The following SYNE2 variants were observed in gnomAD, a reference collection of about 807,000 sequenced individuals.
SYNE2 encodes nesprin-2.
A neutral mutation model predicts 856.3 loss-of-function variants in SYNE2; 431 were observed. That is an observed-to-expected ratio of 0.50 (90% CI 0.47 to 0.55). The LOEUF (loss-of-function observed/expected upper bound fraction) is 0.55. Ranked by LOEUF, SYNE2 falls within the 20% of genes least tolerant of loss-of-function variation. SYNE2 has a pLI of 0.00. For missense variants in SYNE2, 8,129 were observed against 8,023.2 expected, an observed-to-expected ratio of 1.01 and a Z score of -0.50; for synonymous variants, 2,923 against 2,872.3, an observed-to-expected ratio of 1.02 and a Z score of -0.56.
At chr14:63,805,090 A>T (rs899308228) in intron 1 of SYNE2, among the ~76,000 whole-genome samples, 1 of 152,114 alleles carries the variant, frequency 6.6e-6, no homozygotes. Context: ...AACCTGTTTC[A>T]TTGGTCTGTG....
At chr14:64,083,562 T>G (rs1342739817) in intron 57 of SYNE2, among the ~76,000 whole-genome samples, 1 of 152,210 alleles carries the variant, frequency 6.6e-6, no homozygotes, top group Non-Finnish European at 1.5e-5. Flanking sequence ...GGAAAGGAAG[T>G]AGGGACAAGG....
Position 64,002,062 on chromosome 14 carries a change from G to C in SYNE2, c.3767G>C (p.Arg1256Pro), listed in dbSNP as rs183356628. Residue 1256 changes from arginine (R) to proline (P), a missense_variant, in exon 29 of 116, where the codon CGC becomes CCC. This residue lies in a region of SYNE2 where 2,422 missense variants were observed against 2,357.4 expected (regional missense o/e 1.03). Transcript: ENST00000555002. ...GGATTTCATCTCATTGATGCTGATC[G>C]CATCTATCAACACCTAAGGGTAAGT... ...IQGFHLIDAD[R>P]IYQHLRNIQD... is the part of the protein sequence containing the mutation. The C allele has an allele frequency of 6.2e-7, 1 of 1,612,666 alleles. No individual in the cohort carries two copies. Among genetic ancestry groups the C allele is most frequent in the Non-Finnish European group, 8.5e-7 (1 of 1,178,824 alleles).
At chr14:63,889,267 G>T (rs1014253350) in intron 1 of SYNE2, among the ~76,000 whole-genome samples, 1 of 151,442 alleles carries the variant, frequency 6.6e-6, no homozygotes, top group Admixed American at 6.6e-5. Context: ...AAAATAAATT[G>T]AATGACAGTT....
intron 7 of SYNE2, among the ~76,000 whole-genome samples, chr14:63,950,887 G>C (rs942394522): frequency 1.3e-5 from 2 of 151,980 alleles, no homozygotes; most frequent in African/African-American, 4.8e-5. Context: ...AAATTCCTGA[G>C]CTCAAGCAAT....
chr14:63,892,001 T>TC (rs2095143683), intron 1 of SYNE2, among the ~76,000 whole-genome samples: 1 of 152,220 alleles, frequency 6.6e-6, no homozygotes, highest in African/African-American at 2.4e-5. Context: ...ATAGTTTGTT[T>TC]CAGAAACAAA....
intron 11 of SYNE2, among the ~76,000 whole-genome samples, chr14:63,968,314 G>A (rs890012739): frequency 6.6e-6 from 1 of 152,130 alleles, no homozygotes; most frequent in African/African-American, 2.4e-5. Context: ...CATCATTTGG[G>A]TAGTGGTCCT....
chr14:63,937,108 G>A (rs1311687194), intron 2 of SYNE2, among the ~76,000 whole-genome samples: 1 of 152,190 alleles, frequency 6.6e-6, no homozygotes, highest in African/African-American at 2.4e-5. Flanking sequence ...TTTCATGAGA[G>A]TGTGTCATCG....
intron 69 of SYNE2, 61 bp downstream of exon 69, chr14:64,122,194 T>C (rs1403669630): frequency 6.2e-7 from 1 of 1,613,768 alleles, no homozygotes; most frequent in Non-Finnish European, 8.5e-7. Flanking sequence ...GAATTAAGAG[T>C]GTTTCTTTTA....
In SYNE2 at chr14:63,941,950, A is replaced by G. The variant is rs371277498; in HGVS notation, c.303A>G (p.Leu101=). 1.4e-4 allele frequency: 228 copies of G among 1,612,538 alleles called. No individual in the cohort carries two copies. The highest frequency in any genetic ancestry group is 1.8e-4 in the Non-Finnish European group (217 of 1,179,548). Residue 101 remains leucine (L), a synonymous_variant, in exon 5 of 116, where the codon CTA becomes CTG. Coordinates refer to ENST00000555002, the MANE Select transcript of SYNE2 (RefSeq NM_182914.3). ...RINIEHALTF[L]RNRSIKLINI... ...ATATAGAACATGCCTTGACATTCCT[A>G]AGAAACCGATCAGTAAGTATAAATT...
chr14:64,141,960 C>A lies in SYNE2; in HGVS notation c.15178C>A (p.Pro5060Thr). 6.2e-7 allele frequency: 1 copy of A among 1,613,920 alleles called. No individual in the cohort carries two copies. The highest frequency in any genetic ancestry group is 8.5e-7 in the Non-Finnish European group (1 of 1,179,946). Residue 5060 changes from proline (P) to threonine (T), a missense_variant, in exon 82 of 116, where the codon CCG (proline) becomes ACG (threonine). Coordinates refer to ENST00000555002, the MANE Select transcript of SYNE2 (RefSeq NM_182914.3). ...CTTACAGCTTCAAATGGAGAAATTGCCGTCTCGTAAAGCAATCACAGAAAT... is the reference window on the plus strand; with the variant it reads ...CTTACAGCTTCAAATGGAGAAATTGACGTCTCGTAAAGCAATCACAGAAAT... Reference protein sequence around the residue: ...KLHQLQMEKLPSRKAITEMIS... With the variant: ...KLHQLQMEKLTSRKAITEMIS...
At chr14:64,024,542 G>C in intron 39 of SYNE2, 83 bp downstream of exon 39, 1 of 1,304,372 alleles carries the variant, frequency 7.7e-7, no homozygotes, top group Non-Finnish European at 1.1e-6. Context: ...GAGAGCACTG[G>C]GATACGCAGT....
intron 20 of SYNE2, 62 bp downstream of exon 20, chr14:63,990,631 G>A: frequency 5.0e-6 from 7 of 1,401,860 alleles, no homozygotes; most frequent in Non-Finnish European, 6.1e-6. Context: ...GTCACTGAGT[G>A]GGCAGTGAAG....
At chr14:64,190,971 C>T (rs1175886196) in intron 99 of SYNE2, 1 of 702,338 alleles carries the variant, frequency 1.4e-6, no homozygotes, top group South Asian at 1.5e-5. Flanking sequence ...CGAACCGTCA[C>T]TTGGCCTTGG....
Position 64,126,377 on chromosome 14 carries a change from A to G in SYNE2, c.13605A>G (p.Glu4535=). 7 of 1,614,180 alleles carry G rather than the reference A, an allele frequency of 4.3e-6. No homozygotes were observed. The highest frequency in any genetic ancestry group is 1.3e-5 in the African/African-American group (1 of 75,044). The part of the protein sequence containing the change: ...AYINLDKKLF[E]LFLTLSQCLS... ...TCAATTTGGATAAAAAATTGTTTGA[A>G]CTATTCCTGACCCTCAGTCAGTGCC... is the stretch of plus-strand genomic sequence containing the variant. The change falls in exon 72 of 116, where the codon GAA becomes GAG. Residue 4535 remains glutamate, a synonymous_variant. Transcript: ENST00000555002.
At chr14:63,767,615 TCCA>T (rs1380492704) in intron 1 of SYNE2, among the ~76,000 whole-genome samples, 1 of 152,160 alleles carries the variant, frequency 6.6e-6, no homozygotes, top group East Asian at 1.9e-4. Flanking sequence ...CCCTCTCTGG[TCCA>T]CCATGTCCCA....
At chr14:64,173,506 G>A (rs2098420408) in intron 94 of SYNE2, among the ~76,000 whole-genome samples, 1 of 152,100 alleles carries the variant, frequency 6.6e-6, no homozygotes, top group Non-Finnish European at 1.5e-5. Context: ...AATTAGTGAT[G>A]CTCTGTTGAT....
intron 2 of SYNE2, among the ~76,000 whole-genome samples, chr14:63,912,095 C>T (rs2095480150): frequency 6.6e-6 from 1 of 152,186 alleles, no homozygotes; most frequent in African/African-American, 2.4e-5. Context: ...AGTCTGTTCA[C>T]ATTAGCCAGG....
chr14:64,193,320 C>T (rs1315332536), intron 99 of SYNE2, among the ~76,000 whole-genome samples: 2 of 152,192 alleles, frequency 1.3e-5, no homozygotes, highest in African/African-American at 2.4e-5. Context: ...GAGGCTGAAG[C>T]CAGTGGATCA....
At chr14:63,838,140 C>T (rs370132904) in intron 1 of SYNE2, among the ~76,000 whole-genome samples, 22 of 152,092 alleles carry the variant, frequency 1.4e-4, no homozygotes, top group African/African-American at 5.1e-4. Context: ...GAGGCCAAGG[C>T]GGGTAGATCA....
Sources: gnomAD v4.1 joint callset for allele counts (sites outside exome capture counted in the v4.1 genomes callset) on GRCh38, gnomAD v4.1.1 for gene constraint, gnomAD v4.1.1 regional missense constraint, MANE v1.5 for transcripts, NCBI Gene and HGNC (gene_info 2026-07-23, HGNC 2026-07-21) for gene names.